Variants in TRPM1 observed in about 807,000 individuals in gnomAD.
TRPM1 encodes the protein transient receptor potential cation channel subfamily M member 1.
TRPM1 carries 113 observed loss-of-function variants against 149.4 expected under a neutral mutation model. The observed-to-expected ratio is 0.76, with a 90% confidence interval of 0.65 to 0.88. The LOEUF (loss-of-function observed/expected upper bound fraction) is 0.88. TRPM1 is among the 40% of genes least tolerant of loss of function. The pLI is 0.00. For synonymous variants in TRPM1, 741 were observed against 759.5 expected (o/e 0.98, Z 0.40); for missense variants, 1,976 against 2,038.7 (o/e 0.97, Z 0.59).
chr15:31,004,407 T>C (rs947365960), intron 27 of TRPM1, among the ~76,000 whole-genome samples: 1 of 151,924 alleles, frequency 6.6e-6, no homozygotes, highest in African/African-American at 2.4e-5. Flanking sequence ...CCCTGCTGCT[T>C]CTGTGGCTAC....
upstream of TRPM1, among the ~76,000 whole-genome samples, chr15:31,106,115 T>C (rs1471789994): frequency 2.6e-5 from 4 of 151,512 alleles, no homozygotes; most frequent in Admixed American, 6.6e-5. Flanking sequence ...CATTCTTCTT[T>C]CCCCACAAGT....
chr15:31,146,436 A>T (rs2036225483), intron 1 of TRPM1, among the ~76,000 whole-genome samples: 1 of 152,236 alleles, frequency 6.6e-6, no homozygotes, highest in African/African-American at 2.4e-5. Context: ...CAGACTAGAA[A>T]TCAAAATGGA....
chr15:31,110,317 C>T (rs1425450068), intron 1 of TRPM1, among the ~76,000 whole-genome samples: 2 of 152,036 alleles, frequency 1.3e-5, no homozygotes, highest in Admixed American at 6.6e-5. Flanking sequence ...TCTTTGGTGT[C>T]GTTGTAAAAG....
chr15:31,004,204 C>T (rs2031892770), intron 27 of TRPM1, among the ~76,000 whole-genome samples: 1 of 151,970 alleles, frequency 6.6e-6, no homozygotes, highest in Admixed American at 6.6e-5. Flanking sequence ...TCTGTATGAC[C>T]TACGAAGGTC....
chr15:31,039,386 A>G (rs1490483186), intron 18 of TRPM1, among the ~76,000 whole-genome samples: 1 of 152,228 alleles, frequency 6.6e-6, no homozygotes, highest in Non-Finnish European at 1.5e-5. Context: ...ACAGTTAAGC[A>G]TAACATTCAC....
chr15:31,094,267 T>C (rs2035317618), intron 1 of TRPM1, among the ~76,000 whole-genome samples: 1 of 152,100 alleles, frequency 6.6e-6, no homozygotes, highest in South Asian at 2.1e-4. Flanking sequence ...TAAAAGAAAA[T>C]ATATGTGTGA....
intron 3 of TRPM1, among the ~76,000 whole-genome samples, chr15:31,074,362 C>T (rs2034638655): frequency 6.6e-6 from 1 of 152,066 alleles, no homozygotes; most frequent in Non-Finnish European, 1.5e-5. Context: ...ATTACTAATC[C>T]TATCTCTTTA....
At chr15:31,075,366 A>G (rs1266270956) in intron 3 of TRPM1, among the ~76,000 whole-genome samples, 1 of 152,234 alleles carries the variant, frequency 6.6e-6, no homozygotes, top group Non-Finnish European at 1.5e-5. Flanking sequence ...AGGTACATAT[A>G]TGTTTATATT....
At chr15:31,152,456 G>A (rs534901660) in intron 1 of TRPM1, among the ~76,000 whole-genome samples, 1 of 152,288 alleles carries the variant, frequency 6.6e-6, no homozygotes, top group Admixed American at 6.5e-5. Context: ...CTGAGGCTGT[G>A]AACTAAAAAC....
intron 27 of TRPM1, among the ~76,000 whole-genome samples, chr15:31,003,899 A>G (rs1337658993): frequency 6.6e-6 from 1 of 152,088 alleles, no homozygotes; most frequent in African/African-American, 2.4e-5. Context: ...ACAGCCTATG[A>G]AACCATAATG....
intron 1 of TRPM1, among the ~76,000 whole-genome samples, chr15:31,139,701 A>G (rs1291713573): frequency 6.6e-6 from 1 of 152,236 alleles, no homozygotes; most frequent in Non-Finnish European, 1.5e-5. Flanking sequence ...TCAGCAAAAT[A>G]CTAATGTATT....
intron 1 of TRPM1, among the ~76,000 whole-genome samples, chr15:31,159,437 T>G (rs922942922): frequency 6.6e-6 from 1 of 152,210 alleles, no homozygotes; most frequent in African/African-American, 2.4e-5. Context: ...TGGCCCGGGC[T>G]GCACGGCCAG....
intron 16 of TRPM1, 114 bp from the exon 17 acceptor site, chr15:31,042,357 A>T: frequency 6.4e-6 from 7 of 1,088,030 alleles, no homozygotes; most frequent in Non-Finnish European, 9.3e-6. Flanking sequence ...GAGACTTCTG[A>T]AGTACATCTT....
At chr15:31,113,334 A>C (rs527945178) in intron 1 of TRPM1, among the ~76,000 whole-genome samples, 3 of 152,260 alleles carry the variant, frequency 2.0e-5, no homozygotes, top group African/African-American at 7.2e-5. Flanking sequence ...TGACTGGGAA[A>C]GACTTGGAAA....
intron 1 of TRPM1, among the ~76,000 whole-genome samples, chr15:31,085,740 A>G (rs1312748411): frequency 1.3e-5 from 2 of 152,198 alleles, no homozygotes; most frequent in Non-Finnish European, 2.9e-5. Context: ...GTTAGTGCAA[A>G]TAGTCAATTA....
intron 11 of TRPM1, among the ~76,000 whole-genome samples, chr15:31,058,318 A>T (rs2034139514): frequency 6.6e-6 from 1 of 152,248 alleles, no homozygotes; most frequent in Non-Finnish European, 1.5e-5. Flanking sequence ...GAAGGAAATT[A>T]AAGTGTCACC....
chr15:31,077,344 C>T (rs2034725319), intron 2 of TRPM1, among the ~76,000 whole-genome samples: 1 of 152,138 alleles, frequency 6.6e-6, no homozygotes, highest in African/African-American at 2.4e-5. Context: ...TCAGGGAGGC[C>T]ACCTGGAGCA....
At chr15:31,067,000 G>A in intron 6 of TRPM1, 63 bp downstream of exon 6, 5 of 1,605,600 alleles carry the variant, frequency 3.1e-6, no homozygotes, top group South Asian at 1.1e-5. Flanking sequence ...CTGAATCAAC[G>A]GTTACCTCAA....
intron 1 of TRPM1, among the ~76,000 whole-genome samples, chr15:31,159,993 G>A (rs947358999): frequency 6.6e-6 from 1 of 152,088 alleles, no homozygotes; most frequent in African/African-American, 2.4e-5. Context: ...ACCTACTGCC[G>A]CTCTGCCAGC....
Sources: gnomAD v4.1 joint callset for allele counts (sites outside exome capture counted in the v4.1 genomes callset) on GRCh38, gnomAD v4.1.1 for gene constraint, MANE v1.5 for transcripts, NCBI Gene and HGNC (gene_info 2026-07-23, HGNC 2026-07-21) for gene names.